SSBP3: variants seen among roughly 807,000 people sequenced by gnomAD.
SSBP3 encodes single-stranded DNA-binding protein 3.
Under a neutral mutation model 69.6 loss-of-function variants are expected in SSBP3, and 5 were observed. The ratio of observed to expected loss-of-function variants is 0.07; its 90% CI spans 0.04 to 0.15. SSBP3 has a LOEUF of 0.15. SSBP3 is among the 10% of genes least tolerant of loss of function. The pLI is 1.00. For missense variants in SSBP3, 312 were observed against 534.0 expected (o/e 0.58, Z 4.10); for synonymous variants, 196 against 193.4 (o/e 1.01, Z -0.11).
chr1:54,408,803 G>C (rs1051671655), upstream of SSBP3, among the ~76,000 whole-genome samples: 2 of 152,232 alleles, frequency 1.3e-5, no homozygotes. Flanking sequence ...GGCAAGAAGA[G>C]AGGGGTAGGG....
chr1:54,405,015 G>A lies in SSBP3; in HGVS notation c.57-85C>T, dbSNP rs879131998. The A allele has an allele frequency of 2.3e-5, 29 of 1,244,908 alleles. No homozygotes were observed. The South Asian group carries it at 3.1e-4, about 13-fold the overall frequency. 77.1% of individuals were successfully genotyped at this position (1,244,908 alleles called of 1,614,324 possible). ...CTCCAGGACCTTGCCAGCAGGCTTT[G>A]AGCCCTGTCTGCGCCGTCCCATTGT... On this transcript the variant is annotated intron_variant, in intron 1 of 17. Transcript: ENST00000610401.
chr1:54,363,265 G>A (rs1646978135), intron 4 of SSBP3, among the ~76,000 whole-genome samples: 1 of 152,118 alleles, frequency 6.6e-6, no homozygotes, highest in Admixed American at 6.5e-5. Context: ...ACAGTGCCTT[G>A]TTTCACCAAT....
At chr1:54,250,048 G>A (rs1400140863) in intron 9 of SSBP3, among the ~76,000 whole-genome samples, 1 of 152,232 alleles carries the variant, frequency 6.6e-6, no homozygotes, top group Non-Finnish European at 1.5e-5. Flanking sequence ...GGGAGGGAGA[G>A]CTGTATCTGA....
chr1:54,371,192 A>G (rs1404046410), intron 4 of SSBP3, among the ~76,000 whole-genome samples: 6 of 152,356 alleles, frequency 3.9e-5, no homozygotes, highest in African/African-American at 1.4e-4. Flanking sequence ...CCTGCAGGCA[A>G]ACACTATTCT....
At chr1:54,245,061 A>G (rs1644709685) in intron 9 of SSBP3, among the ~76,000 whole-genome samples, 1 of 152,216 alleles carries the variant, frequency 6.6e-6, no homozygotes, top group Admixed American at 6.5e-5. Flanking sequence ...GCAATCAATG[A>G]AAGACCGAAG....
chr1:54,400,079 T>C (rs902555754), intron 4 of SSBP3, among the ~76,000 whole-genome samples: 1 of 152,216 alleles, frequency 6.6e-6, no homozygotes, highest in Non-Finnish European at 1.5e-5. Context: ...ACATTTCTAC[T>C]GCCATTCCTC....
chr1:54,261,826 C>T (rs1438143832), intron 5 of SSBP3, among the ~76,000 whole-genome samples: 2 of 152,122 alleles, frequency 1.3e-5, no homozygotes, highest in Non-Finnish European at 2.9e-5. Flanking sequence ...ACTAGGGTGG[C>T]TGGGGGTCCT....
chr1:54,405,678 G>A (rs920410320), intron 1 of SSBP3, among the ~76,000 whole-genome samples: 1 of 151,332 alleles, frequency 6.6e-6, no homozygotes, highest in Non-Finnish European at 1.5e-5. Flanking sequence ...GCGGGCCCCC[G>A]CGCTCGACCC....
rs1646119523 is a variant in SSBP3 at position 54,316,702 on chromosome 1, AAATAAAT to A, written c.277-35182_277-35176del. The stretch of plus-strand genomic sequence containing the variant: ...TAAATAAATAAATAAATAAATAAAT[AAATAAAT>A]AAAATAAAATAAAATAAAATAAAAA... On this transcript the variant is annotated intron_variant, in intron 4 of 17. Coordinates refer to ENST00000610401, the Ensembl canonical transcript of SSBP3. Among the ~76,000 whole-genome samples, 4 of 113,884 alleles carry A rather than the reference AAATAAAT, an allele frequency of 3.5e-5. No individual in the cohort carries two copies. In the East Asian group the frequency reaches 8.2e-4, roughly 23 times the overall value. 74.7% of individuals were successfully genotyped at this position (113,884 alleles called of 152,430 possible).
intron 4 of SSBP3, among the ~76,000 whole-genome samples, chr1:54,288,383 C>T (rs549894528): frequency 9.9e-5 from 15 of 152,244 alleles, no homozygotes; most frequent in African/African-American, 2.2e-4. Flanking sequence ...CTTCAGCAAG[C>T]GACCTGAAAA....
intron 4 of SSBP3, among the ~76,000 whole-genome samples, chr1:54,299,633 C>T (rs1300143533): frequency 6.6e-6 from 1 of 152,172 alleles, no homozygotes; most frequent in South Asian, 2.1e-4. Context: ...TCCCCCAAAT[C>T]ATGCCAGCTC....
chr1:54,391,086 G>T (rs956782554), intron 4 of SSBP3, among the ~76,000 whole-genome samples: 3 of 152,222 alleles, frequency 2.0e-5, no homozygotes, highest in Admixed American at 1.3e-4. Context: ...CTTAGGTGGA[G>T]GTTTTCTCAA....
In SSBP3 at chr1:54,321,803, G is replaced by C. The variant is rs532103868; in HGVS notation, c.277-40276C>G. On this transcript the variant is annotated intron_variant, in intron 4 of 17. Coordinates refer to ENST00000610401, the Ensembl canonical transcript of SSBP3. ...GCAGAATGAGGAAAAGGGAGCTGAA[G>C]TCGACCAGGCTCAAGATAGAATGTC... Among the ~76,000 whole-genome samples the C allele has an allele frequency of 7.9e-5, 12 of 152,340 alleles. No individual in the cohort carries two copies. In the South Asian group the frequency reaches 2.1e-3, roughly 26 times the overall value.
chr1:54,300,643 C>T (rs1178266489), intron 4 of SSBP3, among the ~76,000 whole-genome samples: 3 of 152,172 alleles, frequency 2.0e-5, no homozygotes, highest in Non-Finnish European at 4.4e-5. Context: ...CAGACACCAT[C>T]TGTTATTTTT....
chr1:54,303,690 C>T (rs1645845209), intron 4 of SSBP3, among the ~76,000 whole-genome samples: 1 of 152,190 alleles, frequency 6.6e-6, no homozygotes, highest in African/African-American at 2.4e-5. Context: ...TAGCCACAAG[C>T]AGCTACCAAG....
chr1:54,321,500 C>A (rs1455210121), intron 4 of SSBP3, among the ~76,000 whole-genome samples: 1 of 152,250 alleles, frequency 6.6e-6, no homozygotes, highest in South Asian at 2.1e-4. Context: ...ATTCCACAAA[C>A]GCAACAAAGG....
At chr1:54,371,921 A>G (rs965768653) in intron 4 of SSBP3, among the ~76,000 whole-genome samples, 1 of 152,134 alleles carries the variant, frequency 6.6e-6, no homozygotes, top group African/African-American at 2.4e-5. Flanking sequence ...CTCTGAGCAC[A>G]TCTCATACAG....
chr1:54,243,316 G>A lies in SSBP3; in HGVS notation c.652-17C>T, dbSNP rs776165838. ...GCCGTAATTCTGCAACGATAACCAA[G>A]GGTCAGTCTATGAGAAGAAGGGAAC... On this transcript the variant is annotated splice_polypyrimidine_tract_variant and intron_variant, in intron 9 of 17. Coordinates refer to ENST00000610401, the Ensembl canonical transcript of SSBP3. 5 of 1,613,804 alleles carry A rather than the reference G, an allele frequency of 3.1e-6. No homozygotes were observed. Among genetic ancestry groups the A allele is most frequent in the South Asian group, 1.1e-5 (1 of 91,066 alleles).
intron 4 of SSBP3, among the ~76,000 whole-genome samples, chr1:54,321,476 T>C (rs1646212625): frequency 1.3e-5 from 2 of 152,230 alleles, no homozygotes; most frequent in African/African-American, 4.8e-5. Flanking sequence ...AAGCTCTCAC[T>C]GCATTACCTC....
Sources: gnomAD v4.1 joint callset for allele counts (sites outside exome capture counted in the v4.1 genomes callset) on GRCh38, gnomAD v4.1.1 for gene constraint, MANE v1.5 for transcripts, NCBI Gene and HGNC (gene_info 2026-07-23, HGNC 2026-07-21) for gene names.